Variants in MGAT4C observed in about 807,000 individuals in gnomAD.
MGAT4C encodes the protein alpha-1,3-mannosyl-glycoprotein 4-beta-N-acetylglucosaminyltransferase C.
Under a neutral mutation model 40.1 loss-of-function variants are expected in MGAT4C, and 19 were observed. The ratio of observed to expected loss-of-function variants is 0.47; its 90% CI spans 0.33 to 0.70. The LOEUF is 0.70. MGAT4C is among the 30% of genes least tolerant of loss of function. The pLI, the probability that MGAT4C is intolerant of heterozygous loss-of-function variation, is 0.02. For synonymous variants in MGAT4C, 181 were observed against 187.1 expected (o/e 0.97, Z 0.27); for missense variants, 491 against 563.2 (o/e 0.87, Z 1.30).
chr12:86,621,994 A>G (rs1398680321), intron 2 of MGAT4C, among the ~76,000 whole-genome samples: 1 of 152,122 alleles, frequency 6.6e-6, no homozygotes, highest in East Asian at 1.9e-4. Flanking sequence ...ACAGATTCTA[A>G]AGTGTACTGT....
At chr12:86,580,667 G>A (rs1960745745) in intron 2 of MGAT4C, among the ~76,000 whole-genome samples, 3 of 151,282 alleles carry the variant, frequency 2.0e-5, no homozygotes, top group Admixed American at 6.6e-5. Flanking sequence ...TTCAAACCTT[G>A]CATCTTTTAA....
intron 1 of MGAT4C, among the ~76,000 whole-genome samples, chr12:86,159,753 C>G (rs192691531): frequency 2.9e-4 from 44 of 152,088 alleles, no homozygotes; most frequent in African/African-American, 9.4e-4. Context: ...CTCATTCAAT[C>G]TTGGGAGATT....
chr12:86,485,703 A>G (rs10745416), intron 2 of MGAT4C, among the ~76,000 whole-genome samples: 98,794 of 151,974 alleles, frequency 0.65, 32,942 homozygotes, highest in South Asian at 0.79. Flanking sequence ...AGAAGTTGAC[A>G]CGCAAATTTG....
chr12:86,802,063 A>G (rs1181075614), intron 1 of MGAT4C, among the ~76,000 whole-genome samples: 1 of 151,954 alleles, frequency 6.6e-6, no homozygotes, highest in African/African-American at 2.4e-5. Flanking sequence ...CAGGACTGGC[A>G]CTGGATCATG....
intron 2 of MGAT4C, among the ~76,000 whole-genome samples, chr12:86,508,556 T>C (rs1190143428): frequency 6.6e-6 from 1 of 152,152 alleles, no homozygotes; most frequent in Non-Finnish European, 1.5e-5. Context: ...TGATTTATAC[T>C]CCTTTGGGTA....
At chr12:86,729,925 G>A (rs970336486) in intron 1 of MGAT4C, among the ~76,000 whole-genome samples, 2 of 151,992 alleles carry the variant, frequency 1.3e-5, no homozygotes, top group African/African-American at 4.8e-5. Context: ...TACTGTTCAA[G>A]ACAAATTTGT....
chr12:86,350,369 C>T (rs1955132293), intron 3 of MGAT4C, among the ~76,000 whole-genome samples: 1 of 152,082 alleles, frequency 6.6e-6, no homozygotes, highest in South Asian at 2.1e-4. Context: ...GTTTTATTCA[C>T]TGTTGTATTC....
At chr12:86,012,778 A>AACCACCACC (rs1183997849) in intron 2 of MGAT4C, among the ~76,000 whole-genome samples, 31 of 136,450 alleles carry the variant, frequency 2.3e-4, no homozygotes, top group East Asian at 1.7e-3. Flanking sequence ...CAACAACAAC[A>AACCACCACC]ACCACCACCA....
At chr12:86,384,625 C>T (rs960026681) in intron 3 of MGAT4C, among the ~76,000 whole-genome samples, 14 of 152,132 alleles carry the variant, frequency 9.2e-5, no homozygotes, top group African/African-American at 3.4e-4. Context: ...GGAGAATAAC[C>T]TTTATTTGTT....
chr12:86,157,811 G>A (rs1189861161), intron 1 of MGAT4C, among the ~76,000 whole-genome samples: 1 of 152,086 alleles, frequency 6.6e-6, no homozygotes, highest in Admixed American at 6.6e-5. Flanking sequence ...TGAGAACAGC[G>A]TGGGGGAAAC....
At chr12:86,837,102 T>C (rs901624859) in intron 1 of MGAT4C, among the ~76,000 whole-genome samples, 5 of 152,100 alleles carry the variant, frequency 3.3e-5, no homozygotes, top group Admixed American at 1.3e-4. Flanking sequence ...CTGTGAGTTA[T>C]TGGGGGAGAA....
chr12:86,701,651 T>A (rs1950366929), intron 2 of MGAT4C, among the ~76,000 whole-genome samples: 1 of 152,092 alleles, frequency 6.6e-6, no homozygotes. Context: ...AAAAGAAAGA[T>A]TTTCACATTT....
intron 2 of MGAT4C, among the ~76,000 whole-genome samples, chr12:86,442,384 A>T (rs905690690): frequency 6.6e-6 from 1 of 152,162 alleles, no homozygotes; most frequent in African/African-American, 2.4e-5. Flanking sequence ...TTGTGTTGCC[A>T]TCGCTTTTGG....
intron 3 of MGAT4C, among the ~76,000 whole-genome samples, chr12:86,376,435 C>CAT (rs1296808580): frequency 6.6e-6 from 1 of 151,706 alleles, no homozygotes; most frequent in Non-Finnish European, 1.5e-5. Flanking sequence ...TGTGTATATA[C>CAT]ATATATATAT....
At chr12:86,397,396 C>A (rs1368693590) in intron 3 of MGAT4C, among the ~76,000 whole-genome samples, 6 of 152,086 alleles carry the variant, frequency 3.9e-5, no homozygotes, top group African/African-American at 1.4e-4. Context: ...CGTTTTAAAC[C>A]AACTTGATCT....
Position 85,979,736 on chromosome 12 carries a change from A to C in MGAT4C, c.990T>G (p.Phe330Leu). The C allele has an allele frequency of 1.2e-6, 2 of 1,613,550 alleles. No individual in the cohort carries two copies. Among genetic ancestry groups the C allele is most frequent in the Non-Finnish European group, 1.7e-6 (2 of 1,179,794 alleles). The change falls in exon 5 of 5, where the codon TTT (phenylalanine) becomes TTG (leucine). Residue 330 changes from phenylalanine to leucine, a missense_variant. Transcript: ENST00000611864. ...CAGGAATGTCAAATGACTCCTCTTC[A>C]AAATCATCATCCTTCAGCTTATTCT... ...GTENKLKDDD[F>L]EEESFDIPDN...
chr12:86,767,097 A>T (rs1951524227), intron 1 of MGAT4C, among the ~76,000 whole-genome samples: 1 of 152,136 alleles, frequency 6.6e-6, no homozygotes, highest in Non-Finnish European at 1.5e-5. Context: ...TTTTGAAAAG[A>T]TCAACAAAAT....
chr12:86,209,545 T>A (rs190546281), intron 1 of MGAT4C, among the ~76,000 whole-genome samples: 48 of 152,282 alleles, frequency 3.2e-4, no homozygotes, highest in African/African-American at 1.1e-3. Flanking sequence ...TTCTTAATAT[T>A]CTTAGCATCA....
At chr12:86,395,657 G>A (rs1447818875) in intron 3 of MGAT4C, among the ~76,000 whole-genome samples, 2 of 152,126 alleles carry the variant, frequency 1.3e-5, no homozygotes, top group Non-Finnish European at 2.9e-5. Context: ...AAAGTGCAGT[G>A]GCCTTTTGAA....
Sources: allele counts gnomAD v4.1 joint callset (sites outside exome capture counted in the v4.1 genomes callset), GRCh38; gene constraint gnomAD v4.1.1; transcripts MANE v1.5; gene names NCBI Gene and HGNC (gene_info 2026-07-23, HGNC 2026-07-21).